LRBA: variants seen among roughly 807,000 people sequenced by gnomAD.
LRBA encodes the protein LPS responsive beige-like anchor protein.
Under a neutral mutation model 330.0 loss-of-function variants are expected in LRBA, and 176 were observed. That is an observed-to-expected ratio of 0.53 (90% CI 0.47 to 0.60). The LOEUF (loss-of-function observed/expected upper bound fraction) is 0.60, where lower values mean the gene tolerates loss of function less well. Ranked by LOEUF, LRBA falls within the 20% of genes least tolerant of loss-of-function variation. LRBA has a pLI of 0.00. For missense variants in LRBA, 3,259 were observed against 3,444.8 expected (o/e 0.95, Z 1.35); for synonymous variants, 1,230 against 1,193.0 (o/e 1.03, Z -0.64).
chr4:150,964,830 A>T, intron 2 of LRBA, among the ~76,000 whole-genome samples: 1 of 152,348 alleles, frequency 6.6e-6, no homozygotes, highest in East Asian at 1.9e-4. Context: ...AAATACTAAA[A>T]TAAAAAAATT....
At chr4:150,618,848 G>GTGTATATATATA (rs1032502834) in intron 37 of LRBA, among the ~76,000 whole-genome samples, 1 of 146,206 alleles carries the variant, frequency 6.8e-6, no homozygotes, top group African/African-American at 2.5e-5. Flanking sequence ...ATGTGTGTAT[G>GTGTATATATATA]TATATATATA....
intron 47 of LRBA, 64 bp from the exon 48 acceptor site, chr4:150,350,223 T>C: frequency 1.6e-6 from 2 of 1,240,544 alleles, no homozygotes; most frequent in African/African-American, 1.6e-5. Context: ...GAGAGACATT[T>C]AGAGCAATCA....
At chr4:150,427,435 C>T (rs923479680) in intron 46 of LRBA, among the ~76,000 whole-genome samples, 2 of 151,918 alleles carry the variant, frequency 1.3e-5, no homozygotes, top group Non-Finnish European at 2.9e-5. Flanking sequence ...CCTACTGATA[C>T]TTGAAGAAAA....
intron 2 of LRBA, among the ~76,000 whole-genome samples, chr4:150,952,699 G>C (rs964398400): frequency 6.6e-6 from 1 of 151,932 alleles, no homozygotes; most frequent in African/African-American, 2.4e-5. Flanking sequence ...TCTCTCTCTG[G>C]TTCTTGGTAT....
intron 37 of LRBA, among the ~76,000 whole-genome samples, chr4:150,665,114 C>G (rs934903879): frequency 1.3e-5 from 2 of 152,104 alleles, no homozygotes; most frequent in Non-Finnish European, 2.9e-5. Context: ...CCTTTCCTTA[C>G]GCAATCACAC....
intron 40 of LRBA, among the ~76,000 whole-genome samples, chr4:150,514,261 G>A (rs535495158): frequency 5.3e-5 from 8 of 152,120 alleles, no homozygotes; most frequent in African/African-American, 1.7e-4. Flanking sequence ...TAGTAGAGAC[G>A]GGGTTTCACC....
chr4:150,366,270 T>C (rs1739458243), intron 47 of LRBA, among the ~76,000 whole-genome samples: 1 of 152,174 alleles, frequency 6.6e-6, no homozygotes, highest in Non-Finnish European at 1.5e-5. Flanking sequence ...TCACTATCTT[T>C]ATTAGATTAG....
rs117326775 is a variant in LRBA at position 150,579,121 on chromosome 4, T to C, written c.6330+8927A>G. 460 of 387,932 alleles carry C rather than the reference T, an allele frequency of 1.2e-3. 6 individuals are homozygous for C. The East Asian group carries it at 0.028, about 24-fold the overall frequency. 24.0% of individuals were successfully genotyped at this position (387,932 alleles called of 1,614,324 possible). A position where few individuals can be genotyped will look rare whatever the true frequency, so the allele number is the denominator to read the frequency against. On this transcript the variant is annotated intron_variant, in intron 40 of 56. Coordinates refer to ENST00000651943, the MANE Select transcript of LRBA (RefSeq NM_001364905.1). ...GCCTCTAGAGTTTCTTTCTCTCACT[T>C]GGTCTCCTTTAATAGAATATAGTAT...
At chr4:150,447,116 A>C (rs1440430901) in intron 44 of LRBA, among the ~76,000 whole-genome samples, 2 of 152,208 alleles carry the variant, frequency 1.3e-5, no homozygotes, top group Non-Finnish European at 2.9e-5. Flanking sequence ...ACATAGCATA[A>C]AACATAATAA....
chr4:150,968,911 A>T (rs1454791791), intron 2 of LRBA, among the ~76,000 whole-genome samples: 1 of 152,210 alleles, frequency 6.6e-6, no homozygotes, highest in Non-Finnish European at 1.5e-5. Flanking sequence ...AGTTGAAGGC[A>T]ATGCTCACAA....
At chr4:150,467,621 T>C (rs1755601407) in intron 44 of LRBA, 52 bp downstream of exon 44, 1 of 1,143,360 alleles carries the variant, frequency 8.7e-7, no homozygotes, top group Admixed American at 2.2e-5. Flanking sequence ...GACAATCCAA[T>C]TTATTTTTAT....
At chr4:150,489,159 A>ATAATATATATCAGAATATG (rs1758359431) in intron 41 of LRBA, among the ~76,000 whole-genome samples, 2 of 57,256 alleles carry the variant, frequency 3.5e-5, no homozygotes, top group Non-Finnish European at 5.8e-5. Flanking sequence ...ATCAGAATAT[A>ATAATATATATCAGAATATG]TAATATATTA....
intron 2 of LRBA, among the ~76,000 whole-genome samples, chr4:151,009,000 T>A (rs868092426): frequency 0.26 from 2,952 of 11,568 alleles, 188 homozygotes; most frequent in Non-Finnish European, 0.4. Context: ...TATATATATA[T>A]ATATATATAT....
chr4:150,863,951 T>A (rs1579032197), intron 22 of LRBA, among the ~76,000 whole-genome samples: 1 of 152,108 alleles, frequency 6.6e-6, no homozygotes, highest in Non-Finnish European at 1.5e-5. Flanking sequence ...TTATTTATTT[T>A]ATTTTTTGAG....
intron 37 of LRBA, among the ~76,000 whole-genome samples, chr4:150,627,699 C>A (rs912339437): frequency 6.6e-6 from 1 of 151,920 alleles, no homozygotes; most frequent in Non-Finnish European, 1.5e-5. Flanking sequence ...ATTACCAATT[C>A]TTTTCAAATA....
chr4:150,837,181 C>A (rs1046369898), intron 28 of LRBA, among the ~76,000 whole-genome samples: 5 of 152,120 alleles, frequency 3.3e-5, no homozygotes, highest in African/African-American at 1.2e-4. Context: ...AATTTCTGTT[C>A]TTTTACATTT....
At chr4:150,390,807 G>A (rs983444136) in intron 47 of LRBA, among the ~76,000 whole-genome samples, 4 of 152,132 alleles carry the variant, frequency 2.6e-5, no homozygotes, top group African/African-American at 9.7e-5. Flanking sequence ...GATAAAAGAA[G>A]GTGACAGCAA....
chr4:150,674,043 G>C (rs147669565), intron 37 of LRBA, among the ~76,000 whole-genome samples: 3 of 152,104 alleles, frequency 2.0e-5, no homozygotes, highest in African/African-American at 7.2e-5. Context: ...CATATTGTGA[G>C]ATGCCTTGAG....
At chr4:150,818,380 T>C (rs909432116) in intron 30 of LRBA, among the ~76,000 whole-genome samples, 15 of 151,992 alleles carry the variant, frequency 9.9e-5, no homozygotes, top group Admixed American at 5.9e-4. Flanking sequence ...TGGTGTCACA[T>C]CATTATAAGG....
Sources: gnomAD v4.1 joint callset for allele counts (sites outside exome capture counted in the v4.1 genomes callset) on GRCh38, gnomAD v4.1.1 for gene constraint, MANE v1.5 for transcripts, NCBI Gene and HGNC (gene_info 2026-07-23, HGNC 2026-07-21) for gene names.